Variants in ZNF292 observed in about 807,000 individuals in gnomAD.
The protein encoded by ZNF292 is zinc finger protein 292.
Under a neutral mutation model 217.9 loss-of-function variants are expected in ZNF292, and 26 were observed. The observed-to-expected ratio is 0.12, with a 90% CI of 0.09 to 0.17. The LOEUF (loss-of-function observed/expected upper bound fraction) is 0.17, where lower values mean the gene tolerates loss of function less well. Ranked by LOEUF, ZNF292 falls within the 10% of genes least tolerant of loss-of-function variation. The pLI is 1.00. For missense variants in ZNF292, 2,904 were observed against 3,175.2 expected (o/e 0.91, Z 2.05); for synonymous variants, 1,257 against 1,124.1 (o/e 1.12, Z -2.37).
intron 4 of ZNF292, among the ~76,000 whole-genome samples, chr6:87,224,185 T>G (rs1347627283): frequency 6.6e-6 from 1 of 152,334 alleles, no homozygotes; most frequent in Non-Finnish European, 1.5e-5. Context: ...TCTTACATTC[T>G]CCACTCATTT....
At chr6:87,228,254 A>T (rs956457017) in intron 4 of ZNF292, among the ~76,000 whole-genome samples, 3 of 152,122 alleles carry the variant, frequency 2.0e-5, no homozygotes, top group Non-Finnish European at 2.9e-5. Flanking sequence ...TATTCAAGTT[A>T]TTAGTCCATA....
rs114197083 is a variant in ZNF292, at chr6:87,214,202, G to A, written c.169-1701G>A. Among the ~76,000 whole-genome samples the A allele has an allele frequency of 1.2e-3, 186 of 152,278 alleles. 1 individual carries two copies. The highest frequency in any genetic ancestry group is 4.3e-3 in the African/African-American group (178 of 41,556). On this transcript the variant is annotated intron_variant, in intron 1 of 7. Transcript: ENST00000369577. Reference sequence around the variant, plus strand: ...AGGCAGCTTGGGTATAATGTAGGCAGCTTCATCTCATGACCAGCTACAATG... The same window carrying A: ...AGGCAGCTTGGGTATAATGTAGGCAACTTCATCTCATGACCAGCTACAATG...
intron 1 of ZNF292, among the ~76,000 whole-genome samples, chr6:87,173,026 T>C (rs1041737711): frequency 6.6e-6 from 1 of 152,192 alleles, no homozygotes; most frequent in Non-Finnish European, 1.5e-5. Flanking sequence ...AATATTGTAT[T>C]ATAATTCTTT....
At chr6:87,227,882 T>C (rs1277196551) in intron 4 of ZNF292, among the ~76,000 whole-genome samples, 1 of 152,224 alleles carries the variant, frequency 6.6e-6, no homozygotes, top group Non-Finnish European at 1.5e-5. Context: ...TCTTGGTTAT[T>C]GTGAGTAGTG....
intron 1 of ZNF292, among the ~76,000 whole-genome samples, chr6:87,184,139 C>G (rs1329658133): frequency 1.3e-5 from 2 of 152,172 alleles, no homozygotes; most frequent in African/African-American, 2.4e-5. Flanking sequence ...AACCTTTATA[C>G]AATTTATACC....
chr6:87,250,060 G>A (rs1052491387), intron 7 of ZNF292, among the ~76,000 whole-genome samples: 12 of 143,326 alleles, frequency 8.4e-5, no homozygotes. Context: ...TCCAGGAATT[G>A]AAGACTATCA....
rs112419733 is a variant in ZNF292 at position 87,208,014 on chromosome 6, TA to T, written c.169-7883del. On this transcript the variant is annotated intron_variant, in intron 1 of 7. Transcript: ENST00000369577. The stretch of plus-strand genomic sequence containing the variant: ...ATCCTGAAAAAATGTGCCTAGAAGG[TA>T]AAAAATTTTAGACCACGTATGTCCG... Among the ~76,000 whole-genome samples the T allele has an allele frequency of 4.8e-3, 736 of 152,240 alleles. 7 individuals are homozygous for T. The highest frequency in any genetic ancestry group is 0.017 in the African/African-American group (687 of 41,554).
intron 5 of ZNF292, among the ~76,000 whole-genome samples, chr6:87,239,128 A>G (rs1402420107): frequency 3.3e-5 from 5 of 152,222 alleles, no homozygotes; most frequent in Non-Finnish European, 5.9e-5. Context: ...TTTTCCCCAC[A>G]TTTCCCCCTT....
At chr6:87,252,472 A>C (rs892154174) in intron 7 of ZNF292, among the ~76,000 whole-genome samples, 3 of 152,014 alleles carry the variant, frequency 2.0e-5, no homozygotes, top group Non-Finnish European at 4.4e-5. Context: ...TCCTTTTTTA[A>C]AATTTCTCCA....
intron 4 of ZNF292, among the ~76,000 whole-genome samples, chr6:87,225,260 G>A (rs1254982699): frequency 6.6e-6 from 1 of 152,116 alleles, no homozygotes; most frequent in Non-Finnish European, 1.5e-5. Context: ...TTGGGTACAA[G>A]TTCTTTTTCA....
chr6:87,180,523 T>G (rs897824017), intron 1 of ZNF292, among the ~76,000 whole-genome samples: 1 of 152,184 alleles, frequency 6.6e-6, no homozygotes, highest in Non-Finnish European at 1.5e-5. Flanking sequence ...ACCCCAGACC[T>G]CATGCCTGCC....
intron 1 of ZNF292, chr6:87,169,960 A>G (rs935420354): frequency 6.3e-6 from 1 of 159,478 alleles, no homozygotes; most frequent in African/African-American, 2.4e-5. Context: ...GAATTTGTAT[A>G]TACTCAAAAT....
intron 1 of ZNF292, among the ~76,000 whole-genome samples, chr6:87,163,450 C>CA (rs751272449): frequency 0.011 from 1,463 of 133,192 alleles, 14 homozygotes; most frequent in African/African-American, 0.029. Context: ...GACTTCGCCT[C>CA]AAAAAAAAAA....
chr6:87,234,926 T>A (rs532769665), intron 5 of ZNF292, among the ~76,000 whole-genome samples: 4 of 152,222 alleles, frequency 2.6e-5, no homozygotes, highest in Non-Finnish European at 5.9e-5. Flanking sequence ...TGGACCAAGA[T>A]AAGAAATAAA....
chr6:87,198,932 G>C (rs778355529), intron 1 of ZNF292, among the ~76,000 whole-genome samples: 4 of 152,172 alleles, frequency 2.6e-5, no homozygotes, highest in Non-Finnish European at 5.9e-5. Flanking sequence ...CATTTGGCTT[G>C]TTCCTAGTTT....
chr6:87,259,581 TA>T lies in ZNF292; in HGVS notation c.5956del (p.Arg1986GlyfsTer20). 1 of 1,576,530 alleles carries T rather than the reference TA, an allele frequency of 6.3e-7. No individual in the cohort carries two copies. Among genetic ancestry groups the T allele is most frequent in the East Asian group, 2.3e-5 (1 of 43,192 alleles). ...CTGAAGAAATGGTAAAGTTAAAAATTAAAAGGCCTTATGGAAGAAAATCTCA... is the reference window on the plus strand; with the variant it reads ...CTGAAGAAATGGTAAAGTTAAAAATTAAAGGCCTTATGGAAGAAAATCTCA... ...TTEEMVKLKI[K>X]RPYGRKSQSE... On this transcript the variant is annotated frameshift_variant, in exon 8 of 8. Transcript: ENST00000369577. LOFTEE classifies it high-confidence loss of function.
intron 4 of ZNF292, among the ~76,000 whole-genome samples, chr6:87,230,561 A>G (rs966861607): frequency 5.3e-5 from 8 of 152,074 alleles, no homozygotes; most frequent in Middle Eastern, 3.4e-3. Flanking sequence ...GTGAAACCCC[A>G]TCTCTACTAA....
chr6:87,158,751 G>A (rs976271938), intron 1 of ZNF292, among the ~76,000 whole-genome samples: 8 of 152,206 alleles, frequency 5.3e-5, no homozygotes, highest in Admixed American at 1.3e-4. Flanking sequence ...GTTGAGTGAA[G>A]CAATGGTTAA....
At chr6:87,225,847 C>T (rs1361605458) in intron 4 of ZNF292, among the ~76,000 whole-genome samples, 1 of 152,132 alleles carries the variant, frequency 6.6e-6, no homozygotes, top group African/African-American at 2.4e-5. Flanking sequence ...TCATAAATAG[C>T]ACATAATCAA....
Sources: allele counts gnomAD v4.1 joint callset (sites outside exome capture counted in the v4.1 genomes callset), GRCh38; gene constraint gnomAD v4.1.1; transcripts MANE v1.5; gene names NCBI Gene and HGNC (gene_info 2026-07-23, HGNC 2026-07-21).